Variants in MYLK4 observed in about 807,000 individuals in gnomAD.
MYLK4 encodes the protein myosin light chain kinase family member 4, also known as caMLCK like.
A neutral mutation model predicts 48.1 loss-of-function variants in MYLK4; 46 were observed. The observed-to-expected ratio is 0.96, with a 90% CI of 0.75 to 1.22. The LOEUF (loss-of-function observed/expected upper bound fraction) is 1.22. Among genes scored for constraint, MYLK4 ranks in the 50% most tolerant of loss-of-function variants. The pLI is 0.00. For missense variants in MYLK4, 451 were observed against 486.1 expected, an observed-to-expected ratio of 0.93 and a Z score of 0.68; for synonymous variants, 170 against 180.8, an observed-to-expected ratio of 0.94 and a Z score of 0.48.
At chr6:2,730,799 G>A (rs527244889) in intron 2 of MYLK4, among the ~76,000 whole-genome samples, 15 of 152,130 alleles carry the variant, frequency 9.9e-5, no homozygotes, top group Non-Finnish European at 1.3e-4. Flanking sequence ...TCCAGGAAAC[G>A]AGTTTTAAAA....
rs556476421 is a variant in MYLK4, at chr6:2,683,391, T to TTTTGTG, written c.546-230_546-229insCACAAA. On this transcript the variant is annotated intron_variant, in intron 6 of 12. Transcript: ENST00000274643. ...ATCCTCAAGCCAACTCCCCACCTTTTTGTGTGTGTGTGTGTGTGTGTGTGT... is the reference window on the plus strand; with the variant it reads ...ATCCTCAAGCCAACTCCCCACCTTTTTTTGTGTGTGTGTGTGTGTGTGTGTGTGTGT... Among the ~76,000 whole-genome samples the TTTTGTG allele has an allele frequency of 8.7e-5, 11 of 126,582 alleles. 1 individual carries two copies. Among genetic ancestry groups the TTTTGTG allele is most frequent in the African/African-American group, 2.0e-4 (7 of 34,986 alleles). 83.0% of individuals were successfully genotyped at this position (126,582 alleles called of 152,430 possible). A position where few individuals can be genotyped will look rare whatever the true frequency, so the allele number is the denominator to read the frequency against.
At chr6:2,715,049 G>A (rs541166723) in intron 2 of MYLK4, among the ~76,000 whole-genome samples, 3 of 152,204 alleles carry the variant, frequency 2.0e-5, no homozygotes, top group East Asian at 1.9e-4. Context: ...CAGATCACCC[G>A]AGGTCAGGAG....
At chr6:2,690,216 T>C (rs1251778563) in intron 3 of MYLK4, among the ~76,000 whole-genome samples, 1 of 152,152 alleles carries the variant, frequency 6.6e-6, no homozygotes, top group Non-Finnish European at 1.5e-5. Context: ...CCCCGGGAGC[T>C]CCTCAGCTTG....
intron 2 of MYLK4, among the ~76,000 whole-genome samples, chr6:2,713,329 G>A (rs935692578): frequency 6.0e-5 from 9 of 150,724 alleles, no homozygotes; most frequent in Non-Finnish European, 7.4e-5. Flanking sequence ...AAGATCGATC[G>A]CATCATTGGA....
chr6:2,718,070 C>T (rs1198828090), intron 2 of MYLK4, among the ~76,000 whole-genome samples: 1 of 151,880 alleles, frequency 6.6e-6, no homozygotes, highest in Admixed American at 6.6e-5. Flanking sequence ...ATTCCAGCTA[C>T]TACGGAGGCT....
the MYLK4 span, chr6:2,765,711 C>A: frequency 6.5e-7 from 1 of 1,545,242 alleles, no homozygotes; most frequent in Non-Finnish European, 8.7e-7. Context: ...ATGCCCGCCG[C>A]GCACATCAAC....
rs1005761128 is a variant in MYLK4 at position 2,673,247 on chromosome 6, G to A, written c.1119+1800C>T. ...ATCGGTGGAAAATTGGCTCAAAATA[G>A]GTTAGTAACCCTAATAAGCAGTTTA... On this transcript the variant is annotated intron_variant, in intron 11 of 12. Coordinates refer to ENST00000274643, the MANE Select transcript of MYLK4 (RefSeq NM_001012418.5). This position sits in a 1 kb window ranked among gnomAD's most constrained non-coding sequence, Gnocchi z 4.2. Among the ~76,000 whole-genome samples the A allele has an allele frequency of 6.6e-6, 1 of 152,182 alleles. No individual in the cohort carries two copies. The highest frequency in any genetic ancestry group is 1.5e-5 in the Non-Finnish European group (1 of 68,038).
At chr6:2,731,496 C>T (rs1036578819) in intron 2 of MYLK4, among the ~76,000 whole-genome samples, 1 of 152,168 alleles carries the variant, frequency 6.6e-6, no homozygotes, top group African/African-American at 2.4e-5. Flanking sequence ...TGTGCCCTGG[C>T]TTTAGTCCCT....
chr6:2,682,609 C>T (rs775773803), intron 7 of MYLK4, among the ~76,000 whole-genome samples: 1 of 152,238 alleles, frequency 6.6e-6, no homozygotes, highest in East Asian at 1.9e-4. Flanking sequence ...CTGAGTGACT[C>T]GAGGAGCTGC....
chr6:2,700,461 C>T (rs944474721), intron 2 of MYLK4, among the ~76,000 whole-genome samples: 2 of 152,204 alleles, frequency 1.3e-5, no homozygotes, highest in African/African-American at 4.8e-5. Context: ...CTGAGGCCTT[C>T]TTACCAGCCA....
intron 3 of MYLK4, among the ~76,000 whole-genome samples, chr6:2,691,568 A>G (rs544382487): frequency 3.9e-5 from 6 of 152,352 alleles, no homozygotes; most frequent in African/African-American, 1.4e-4. Context: ...GCAATTTATT[A>G]TTTATAATGG....
At chr6:2,738,626 G>A (rs1474261706) in intron 2 of MYLK4, among the ~76,000 whole-genome samples, 1 of 152,214 alleles carries the variant, frequency 6.6e-6, no homozygotes, top group Non-Finnish European at 1.5e-5. Context: ...TCAATTTGTG[G>A]TGGTAAAGAA....
chr6:2,751,732 TCTTTTAAAAAAAAAAC>T (rs1436138774), upstream of MYLK4, among the ~76,000 whole-genome samples: 1 of 152,132 alleles, frequency 6.6e-6, no homozygotes, highest in East Asian at 1.9e-4. Flanking sequence ...CTCTTCTGCT[TCTTTTAAAAAAAAAAC>T]CTTATTTTTA....
intron 4 of MYLK4, 60 bp downstream of exon 4, chr6:2,688,791 G>A (rs1436128001): frequency 7.6e-6 from 10 of 1,323,234 alleles, no homozygotes; most frequent in Middle Eastern, 1.8e-4. Flanking sequence ...AGACATTTAC[G>A]AAGTCATTTG....
At chr6:2,752,595 T>A (rs1429093634), upstream of MYLK4, among the ~76,000 whole-genome samples, 1 of 152,112 alleles carries the variant, frequency 6.6e-6, no homozygotes, top group Non-Finnish European at 1.5e-5. Context: ...GAAGGGCAAC[T>A]CTGGAGGGAA....
intron 9 of MYLK4, 147 bp downstream of exon 9, chr6:2,679,133 G>A (rs776534397): frequency 6.6e-6 from 6 of 902,912 alleles, no homozygotes; most frequent in Non-Finnish European, 1.1e-5. Context: ...ACCCACAGGA[G>A]TCAACAAAAC....
At chr6:2,763,357 G>A in the MYLK4 span, among the ~76,000 whole-genome samples, 26 of 152,252 alleles carry the variant, frequency 1.7e-4, no homozygotes, top group Non-Finnish European at 3.4e-4. Flanking sequence ...CTCTGGGGTG[G>A]TGAACGGCCC....
rs946674377 is a variant in MYLK4, at chr6:2,664,885, T to A, written c.*3040A>T. On this transcript the variant is annotated 3_prime_UTR_variant, in exon 13 of 13. Transcript: ENST00000274643. Reference sequence around the variant, plus strand: ...TAGCAAATGGGGACATGTGCCCTCCTCTCCCTGATTTTTAAATAGCAACAG... The same window carrying A: ...TAGCAAATGGGGACATGTGCCCTCCACTCCCTGATTTTTAAATAGCAACAG... 3.3e-5 allele frequency: 5 copies of A among 152,192 alleles called. No individual in the cohort carries two copies. The highest frequency in any genetic ancestry group is 1.2e-4 in the African/African-American group (5 of 41,454). 9.4% of individuals were successfully genotyped at this position (152,192 alleles called of 1,614,324 possible).
Position 2,722,512 on chromosome 6 carries a change from A to AGTGTGTGTGTGT in MYLK4, c.159+26612_159+26623dup, listed in dbSNP as rs369339405. Among the ~76,000 whole-genome samples the AGTGTGTGTGTGT allele has an allele frequency of 3.6e-4, 50 of 139,540 alleles. 1 individual carries two copies. Among genetic ancestry groups the AGTGTGTGTGTGT allele is most frequent in the East Asian group, 1.1e-3 (5 of 4,640 alleles). The allele number at this position is 139,540 out of a possible 152,430, so 91.5% of individuals were successfully genotyped here. On this transcript the variant is annotated intron_variant, in intron 2 of 12. Coordinates refer to ENST00000274643, the MANE Select transcript of MYLK4 (RefSeq NM_001012418.5). Reference sequence around the variant, plus strand: ...AGAGCAGGAAGTAGGACATAAAAGGAGTGTGTGTGTGTGTGTGTGTGTGTG... The same window carrying AGTGTGTGTGTGT: ...AGAGCAGGAAGTAGGACATAAAAGGAGTGTGTGTGTGTGTGTGTGTGTGTGTGTGTGTGTGTG...
Sources: allele counts gnomAD v4.1 joint callset (sites outside exome capture counted in the v4.1 genomes callset), GRCh38; gene constraint gnomAD v4.1.1; non-coding constraint Gnocchi (gnomAD v3.1); transcripts MANE v1.5; gene names NCBI Gene and HGNC (gene_info 2026-07-23, HGNC 2026-07-21).